Variants in ZNF407 observed in about 807,000 individuals in gnomAD.
ZNF407 encodes the protein zinc finger protein 407.
Under a neutral mutation model 131.2 loss-of-function variants are expected in ZNF407, and 17 were observed. The ratio of observed to expected loss-of-function variants is 0.13; its 90% CI spans 0.09 to 0.19. The LOEUF is 0.19. Among genes scored for constraint, ZNF407 ranks in the 10% least tolerant of loss-of-function variants. The pLI is 1.00. For synonymous variants in ZNF407, 1,156 were observed against 1,062.0 expected, an observed-to-expected ratio of 1.09 and a Z score of -1.72; for missense variants, 2,681 against 2,830.6, an observed-to-expected ratio of 0.95 and a Z score of 1.20.
At chr18:74,722,870 C>T (rs7244267) in intron 3 of ZNF407, among the ~76,000 whole-genome samples, 105,197 of 151,994 alleles carry the variant, frequency 0.69, 37,269 homozygotes, top group East Asian at 0.85. Context: ...GAGCCATTAC[C>T]TCTCCCAAAG....
chr18:74,742,555 C>A (rs1259946333), intron 3 of ZNF407, among the ~76,000 whole-genome samples: 1 of 152,128 alleles, frequency 6.6e-6, no homozygotes, highest in African/African-American at 2.4e-5. Flanking sequence ...GTACTCAACT[C>A]TACCCTTTAA....
chr18:74,876,955 A>G (rs1971165522), intron 4 of ZNF407, among the ~76,000 whole-genome samples: 1 of 152,216 alleles, frequency 6.6e-6, no homozygotes, highest in African/African-American at 2.4e-5. Context: ...GGGTGACTGG[A>G]CTGTAACAGA....
chr18:74,740,492 C>T (rs1266166729), intron 3 of ZNF407, among the ~76,000 whole-genome samples: 1 of 152,188 alleles, frequency 6.6e-6, no homozygotes, highest in African/African-American at 2.4e-5. Context: ...CATGTTACAT[C>T]TGTCTGCCAA....
intron 3 of ZNF407, among the ~76,000 whole-genome samples, chr18:74,713,064 T>G (rs1967803690): frequency 6.6e-6 from 1 of 152,198 alleles, no homozygotes; most frequent in South Asian, 2.1e-4. Context: ...GTTAGATACT[T>G]GGCCTTATTG....
chr18:74,812,402 G>T lies in ZNF407; in HGVS notation c.4877+30900G>T, dbSNP rs543677303. On this transcript the variant is annotated intron_variant, in intron 4 of 8. Coordinates refer to ENST00000299687, the MANE Select transcript of ZNF407 (RefSeq NM_017757.3). ...TCAATGTAATCCCCCTCTACACCCA[G>T]AGAAAACAGCCAGAATTTGGTTTTC... Among the ~76,000 whole-genome samples the T allele has an allele frequency of 5.9e-5, 9 of 152,240 alleles. No individual in the cohort carries two copies. The South Asian group carries it at 8.3e-4, about 14-fold the overall frequency.
At chr18:74,942,259 G>A (rs919331662) in intron 8 of ZNF407, among the ~76,000 whole-genome samples, 1 of 152,244 alleles carries the variant, frequency 6.6e-6, no homozygotes, top group Non-Finnish European at 1.5e-5. Flanking sequence ...CAGTCTCACA[G>A]GTGCTCGTTA....
intron 3 of ZNF407, among the ~76,000 whole-genome samples, chr18:74,660,336 A>G (rs1217710771): frequency 6.6e-6 from 1 of 152,068 alleles, no homozygotes; most frequent in Non-Finnish European, 1.5e-5. Flanking sequence ...TCTTTACTGA[A>G]TCCTAAAACT....
At chr18:74,935,957 A>G (rs183040003) in intron 8 of ZNF407, among the ~76,000 whole-genome samples, 2 of 152,164 alleles carry the variant, frequency 1.3e-5, no homozygotes, top group African/African-American at 2.4e-5. Context: ...GTAATTTTTT[A>G]AAAAAGTTTT....
chr18:74,770,277 A>G (rs1278486773), intron 3 of ZNF407, among the ~76,000 whole-genome samples: 1 of 152,086 alleles, frequency 6.6e-6, no homozygotes, highest in Non-Finnish European at 1.5e-5. Flanking sequence ...GCTCACCTGT[A>G]GTATTAGTTA....
Position 74,718,203 on chromosome 18 carries a change from CA to C in ZNF407, c.4803-63224del, listed in dbSNP as rs199619085. 4.2e-3 allele frequency among the ~76,000 whole-genome samples: 634 copies of C among 151,218 alleles called. 5 individuals are homozygous for C. The highest frequency in any genetic ancestry group is 0.015 in the African/African-American group (603 of 40,980). ...CTCAAAAGATTCCTGTGCTTTTTTG[CA>C]GCCCCCCCCCTCCCCTTCCTGGCTG... On this transcript the variant is annotated intron_variant, in intron 3 of 8. Coordinates refer to ENST00000299687, the MANE Select transcript of ZNF407 (RefSeq NM_017757.3).
At chr18:74,907,569 C>G (rs1238211597) in intron 7 of ZNF407, among the ~76,000 whole-genome samples, 1 of 152,152 alleles carries the variant, frequency 6.6e-6, no homozygotes, top group South Asian at 2.1e-4. Flanking sequence ...GCTCTCCCAC[C>G]ATTCAGCCGG....
At chr18:74,637,127 G>A (rs1041881822) in intron 2 of ZNF407, among the ~76,000 whole-genome samples, 1 of 152,200 alleles carries the variant, frequency 6.6e-6, no homozygotes, top group African/African-American at 2.4e-5. Context: ...TCTTGTAAAT[G>A]TGTTAAAGCT....
chr18:74,781,574 G>T, intron 4 of ZNF407, 72 bp downstream of exon 4: 1 of 1,142,486 alleles, frequency 8.8e-7, no homozygotes, highest in South Asian at 1.7e-5. Flanking sequence ...TTAATGACAT[G>T]ACTTCTAGAC....
Position 75,064,009 on chromosome 18 carries a change from G to T in ZNF407, c.6288G>T (p.Gln2096His). 6.2e-7 allele frequency: 1 copy of T among 1,609,272 alleles called. No homozygotes were observed. ...TGTGTGACACGGCCGCGGCCGGCCA[G>T]TTGGTCAAGGACGGTGTCACCCAGG... ...FAVCDTAAAG[Q>H]LVKDGVTQVV... The change falls in exon 9 of 9, where the codon CAG becomes CAT. Residue 2096 changes from glutamine to histidine, a missense_variant. Around this residue, in one of 6 missense-constraint regions of ZNF407, gnomAD observed 620 missense variants for 583.1 expected, o/e 1.06. Coordinates refer to ENST00000299687, the MANE Select transcript of ZNF407 (RefSeq NM_017757.3).
chr18:74,740,555 C>T (rs1968525984), intron 3 of ZNF407, among the ~76,000 whole-genome samples: 1 of 152,178 alleles, frequency 6.6e-6, no homozygotes, highest in Admixed American at 6.5e-5. Context: ...ATTGCACCCA[C>T]CCTTGTCTCT....
At chr18:74,883,512 A>C (rs556838786) in intron 6 of ZNF407, among the ~76,000 whole-genome samples, 2 of 152,196 alleles carry the variant, frequency 1.3e-5, no homozygotes, top group Non-Finnish European at 2.9e-5. Context: ...TCCTCACCGC[A>C]ATACAGACTG....
intron 4 of ZNF407, among the ~76,000 whole-genome samples, chr18:74,860,030 G>T (rs1292363668): frequency 6.6e-6 from 1 of 152,172 alleles, no homozygotes; most frequent in African/African-American, 2.4e-5. Context: ...ATATGGCCAG[G>T]TACAGTGGCT....
intron 8 of ZNF407, among the ~76,000 whole-genome samples, chr18:74,935,629 C>A (rs1972030976): frequency 6.6e-6 from 1 of 152,110 alleles, no homozygotes; most frequent in Non-Finnish European, 1.5e-5. Context: ...CTTGTAAACA[C>A]GGATGATTAA....
chr18:74,911,816 A>G (rs1971676579), intron 7 of ZNF407, among the ~76,000 whole-genome samples: 1 of 152,158 alleles, frequency 6.6e-6, no homozygotes, highest in Non-Finnish European at 1.5e-5. Context: ...TCACCTAGGA[A>G]ATAGGAATTC....
Sources: gnomAD v4.1 joint callset for allele counts (sites outside exome capture counted in the v4.1 genomes callset) on GRCh38, gnomAD v4.1.1 for gene constraint, gnomAD v4.1.1 regional missense constraint, MANE v1.5 for transcripts, NCBI Gene and HGNC (gene_info 2026-07-23, HGNC 2026-07-21) for gene names.